Variants in PTPRT observed in about 807,000 individuals in gnomAD.
The protein encoded by PTPRT is protein tyrosine phosphatase receptor type T.
Under a neutral mutation model 176.8 loss-of-function variants are expected in PTPRT, and 56 were observed. The ratio of observed to expected loss-of-function variants is 0.32; its 90% CI spans 0.26 to 0.40. The LOEUF is 0.40. PTPRT is among the 10% of genes least tolerant of loss of function. The probability of loss-of-function intolerance (pLI) is 1.00; values close to 1 mark genes in which losing one functional copy is unlikely to be tolerated. For missense variants in PTPRT, 1,540 were observed against 1,908.2 expected (o/e 0.81, Z 3.60); for synonymous variants, 783 against 739.0 (o/e 1.06, Z -0.96).
At chr20:42,500,742 A>G (rs2071737550) in intron 7 of PTPRT, among the ~76,000 whole-genome samples, 1 of 152,176 alleles carries the variant, frequency 6.6e-6, no homozygotes, top group African/African-American at 2.4e-5. Flanking sequence ...TCATCAGAAT[A>G]AGAAAGTTCT....
At chr20:42,616,340 G>C (rs1251826044) in intron 7 of PTPRT, among the ~76,000 whole-genome samples, 1 of 121,232 alleles carries the variant, frequency 8.2e-6, no homozygotes, top group Admixed American at 7.7e-5. Context: ...GGTTACTGTA[G>C]CCTTGTAGTA....
rs77218847 is a variant in PTPRT, at chr20:42,805,819, A to G, written c.215-14353T>C. Among the ~76,000 whole-genome samples the G allele has an allele frequency of 5.2e-3, 798 of 152,168 alleles. 10 individuals carry two copies. Among genetic ancestry groups the G allele is most frequent in the African/African-American group, 0.018 (732 of 41,506 alleles). ...CTTTTATAGTATAGATCACGTGCCC[A>G]TATGCAATTTATTGAGTCTCGACCT... is the stretch of plus-strand genomic sequence containing the variant. On this transcript the variant is annotated intron_variant, in intron 2 of 30. Coordinates refer to ENST00000373187, the MANE Select transcript of PTPRT (RefSeq NM_007050.6).
chr20:43,151,758 G>A (rs1351095648), intron 1 of PTPRT, among the ~76,000 whole-genome samples: 1 of 151,996 alleles, frequency 6.6e-6, no homozygotes, highest in Non-Finnish European at 1.5e-5. Flanking sequence ...AGCTACTCAG[G>A]AGGCTGAGGT....
chr20:43,132,963 C>A (rs1406624673), intron 1 of PTPRT, among the ~76,000 whole-genome samples: 4 of 152,084 alleles, frequency 2.6e-5, no homozygotes, highest in Non-Finnish European at 4.4e-5. Context: ...TTGGATAATG[C>A]GGTTCTTAAC....
chr20:43,094,267 T>A (rs542475863), intron 1 of PTPRT, among the ~76,000 whole-genome samples: 1 of 150,830 alleles, frequency 6.6e-6, no homozygotes, highest in African/African-American at 2.4e-5. Context: ...TTTGTTTTTT[T>A]AGTAGAGACG....
intron 5 of PTPRT, 86 bp downstream of exon 5, chr20:42,771,349 G>T: frequency 1.7e-6 from 2 of 1,174,166 alleles, no homozygotes; most frequent in Non-Finnish European, 2.5e-6. Flanking sequence ...CAATACACTT[G>T]TGTTGCCATA....
chr20:42,632,550 C>T (rs2074434841), intron 7 of PTPRT, among the ~76,000 whole-genome samples: 1 of 151,756 alleles, frequency 6.6e-6, no homozygotes, highest in South Asian at 2.1e-4. Flanking sequence ...TTAAAACCAG[C>T]CGTTCACTGT....
chr20:42,726,082 T>C (rs1029245058), intron 6 of PTPRT, among the ~76,000 whole-genome samples: 57 of 148,874 alleles, frequency 3.8e-4, no homozygotes, highest in African/African-American at 1.4e-3. Context: ...ATTATTATTA[T>C]TATTATTATT....
chr20:42,648,731 G>A (rs779049665), intron 7 of PTPRT, among the ~76,000 whole-genome samples: 1 of 151,210 alleles, frequency 6.6e-6, no homozygotes, highest in Non-Finnish European at 1.5e-5. Flanking sequence ...GGCACATCCT[G>A]TATCAGTCCA....
intron 7 of PTPRT, among the ~76,000 whole-genome samples, chr20:42,568,708 A>C (rs2073090788): frequency 6.6e-6 from 1 of 152,022 alleles, no homozygotes; most frequent in Admixed American, 6.6e-5. Flanking sequence ...GAGCTGTCTG[A>C]GCTGCTAAAC....
intron 9 of PTPRT, among the ~76,000 whole-genome samples, chr20:42,426,190 A>C (rs1410176835): frequency 6.6e-6 from 1 of 152,078 alleles, no homozygotes; most frequent in Non-Finnish European, 1.5e-5. Context: ...TTTCATGCCC[A>C]AATGTGGCCT....
chr20:42,100,586 C>T (rs905205518), intron 26 of PTPRT, among the ~76,000 whole-genome samples: 16 of 152,128 alleles, frequency 1.1e-4, no homozygotes, highest in Non-Finnish European at 1.5e-5. Context: ...AAGTAGAGGC[C>T]AGGAGCTTAT....
At chr20:43,084,096 A>G (rs1453246830) in intron 1 of PTPRT, among the ~76,000 whole-genome samples, 2 of 152,116 alleles carry the variant, frequency 1.3e-5, no homozygotes, top group Non-Finnish European at 2.9e-5. Flanking sequence ...CTGTGGACGT[A>G]GGTTTTCATT....
intron 7 of PTPRT, among the ~76,000 whole-genome samples, chr20:42,557,972 T>A (rs2145638053): frequency 6.6e-6 from 1 of 152,338 alleles, no homozygotes; most frequent in South Asian, 2.1e-4. Flanking sequence ...GTTAGTATTG[T>A]CACTGTTGGT....
At chr20:42,905,730 T>A (rs1600543003) in intron 1 of PTPRT, among the ~76,000 whole-genome samples, 1 of 152,146 alleles carries the variant, frequency 6.6e-6, no homozygotes, top group South Asian at 2.1e-4. Context: ...TGGAATACTA[T>A]GCAGCCATAA....
chr20:42,071,298 C>T (rs1424158091), downstream of PTPRT, among the ~76,000 whole-genome samples: 1 of 152,196 alleles, frequency 6.6e-6, no homozygotes, highest in Non-Finnish European at 1.5e-5. Flanking sequence ...TTCTGCTCAT[C>T]CAGAAGAAAA....
chr20:42,955,478 A>C (rs968741593), intron 1 of PTPRT, among the ~76,000 whole-genome samples: 6 of 152,206 alleles, frequency 3.9e-5, no homozygotes, highest in African/African-American at 1.2e-4. Context: ...CACCCTACTA[A>C]GTGCATGCCT....
intron 1 of PTPRT, among the ~76,000 whole-genome samples, chr20:43,089,591 G>C (rs2011741269): frequency 6.6e-6 from 1 of 152,192 alleles, no homozygotes. Flanking sequence ...AGCCAGGTGA[G>C]GTGGTGCTGG....
At chr20:42,732,973 A>G (rs1467364361) in intron 6 of PTPRT, among the ~76,000 whole-genome samples, 1 of 152,196 alleles carries the variant, frequency 6.6e-6, no homozygotes, top group Non-Finnish European at 1.5e-5. Context: ...TGTATAGAAG[A>G]CAAAGTACCA....
Sources: gnomAD v4.1 joint callset for allele counts (sites outside exome capture counted in the v4.1 genomes callset) on GRCh38, gnomAD v4.1.1 for gene constraint, MANE v1.5 for transcripts, NCBI Gene and HGNC (gene_info 2026-07-23, HGNC 2026-07-21) for gene names.